Variants in LAPTM4B observed in about 807,000 individuals in gnomAD.
The protein encoded by LAPTM4B is lysosomal protein transmembrane 4 beta.
Under a neutral mutation model 28.5 loss-of-function variants are expected in LAPTM4B, and 26 were observed. The observed-to-expected ratio is 0.91, with a 90% confidence interval of 0.67 to 1.27. The LOEUF (loss-of-function observed/expected upper bound fraction) is 1.27, where lower values mean the gene tolerates loss of function less well. Among genes scored for constraint, LAPTM4B ranks in the 50% most tolerant of loss-of-function variants. LAPTM4B has a pLI of 0.00. For synonymous variants in LAPTM4B, 109 were observed against 106.4 expected (o/e 1.02, Z -0.15); for missense variants, 288 against 285.8 (o/e 1.01, Z -0.06).
intron 1 of LAPTM4B, among the ~76,000 whole-genome samples, chr8:97,793,404 A>G (rs1037446496): frequency 3.9e-5 from 6 of 152,184 alleles, no homozygotes. Flanking sequence ...ATTTTGTATA[A>G]ACACCCTATG....
chr8:97,786,406 C>A (rs372708133), intron 1 of LAPTM4B, among the ~76,000 whole-genome samples: 1 of 57,922 alleles, frequency 1.7e-5, no homozygotes. Flanking sequence ...TAACATTGAA[C>A]TTAAAAAAAA....
chr8:97,799,233 T>TA (rs1816636193), intron 1 of LAPTM4B, among the ~76,000 whole-genome samples: 2 of 152,230 alleles, frequency 1.3e-5, no homozygotes, highest in African/African-American at 4.8e-5. Context: ...TTAGCCAGAC[T>TA]ATTGTAGGTG....
At chr8:97,848,054 A>T (rs1817458689) in intron 6 of LAPTM4B, among the ~76,000 whole-genome samples, 1 of 152,224 alleles carries the variant, frequency 6.6e-6, no homozygotes, top group South Asian at 2.1e-4. Flanking sequence ...ACCTGAGGGC[A>T]GAAGTTCTGG....
chr8:97,845,270 G>A (rs1414788067), intron 6 of LAPTM4B, among the ~76,000 whole-genome samples: 2 of 151,388 alleles, frequency 1.3e-5, no homozygotes, highest in African/African-American at 2.4e-5. Context: ...GAGTTCTGTA[G>A]TGTACATTCC....
intron 6 of LAPTM4B, among the ~76,000 whole-genome samples, chr8:97,846,170 C>T (rs576641711): frequency 4.0e-5 from 6 of 151,200 alleles, no homozygotes; most frequent in Middle Eastern, 3.4e-3. Flanking sequence ...TATCTTTTAA[C>T]GTTTTGTGAT....
At chr8:97,828,060 G>A (rs1817120981) in intron 6 of LAPTM4B, among the ~76,000 whole-genome samples, 1 of 152,170 alleles carries the variant, frequency 6.6e-6, no homozygotes, top group Non-Finnish European at 1.5e-5. Flanking sequence ...GGATGTATAC[G>A]TGTGGGTCAC....
At chr8:97,800,484 CTTTTTTTTTTTTTTTTT>C (rs546425169) in intron 1 of LAPTM4B, among the ~76,000 whole-genome samples, 1 of 69,326 alleles carries the variant, frequency 1.4e-5, no homozygotes, top group Admixed American at 2.2e-4. Flanking sequence ...CCCTTGACCT[CTTTTTTTTTTTTTTTTT>C]TTTTTTTTTT....
chr8:97,798,364 TATA>T (rs983877566), intron 1 of LAPTM4B, among the ~76,000 whole-genome samples: 15 of 152,284 alleles, frequency 9.9e-5, no homozygotes, highest in African/African-American at 3.6e-4. Context: ...TGAGGTTTTA[TATA>T]ATAATAATAC....
chr8:97,810,122 A>G (rs940967710), intron 2 of LAPTM4B, among the ~76,000 whole-genome samples: 1 of 151,984 alleles, frequency 6.6e-6, no homozygotes, highest in Non-Finnish European at 1.5e-5. Context: ...GGGTTTTGTC[A>G]TGTTGCCCAG....
chr8:97,835,904 T>C (rs1156342002), intron 6 of LAPTM4B, among the ~76,000 whole-genome samples: 1 of 152,112 alleles, frequency 6.6e-6, no homozygotes, highest in Non-Finnish European at 1.5e-5. Flanking sequence ...CAAGCAAGCA[T>C]TACAACCTGA....
chr8:97,804,643 A>G (rs1816733794), intron 1 of LAPTM4B, among the ~76,000 whole-genome samples: 1 of 152,204 alleles, frequency 6.6e-6, no homozygotes, highest in Non-Finnish European at 1.5e-5. Flanking sequence ...TAGTGCCTGA[A>G]TGTTTTTCAT....
At chr8:97,829,015 G>C (rs1231459352) in intron 6 of LAPTM4B, among the ~76,000 whole-genome samples, 1 of 152,162 alleles carries the variant, frequency 6.6e-6, no homozygotes, top group Non-Finnish European at 1.5e-5. Context: ...GTAGGTGGAA[G>C]AGCTGCAGAG....
chr8:97,780,302 C>T (rs1816289175), intron 1 of LAPTM4B, among the ~76,000 whole-genome samples: 1 of 151,814 alleles, frequency 6.6e-6, no homozygotes, highest in African/African-American at 2.4e-5. Context: ...TGGCACGTGC[C>T]TGTAACCCCA....
intron 5 of LAPTM4B, among the ~76,000 whole-genome samples, chr8:97,823,344 G>GTTTTTTTTTTTTTTTTTT (rs10561869): frequency 2.7e-5 from 3 of 109,258 alleles, no homozygotes; most frequent in Non-Finnish European, 4.0e-5. Flanking sequence ...ATACAATATG[G>GTTTTTTTTTTTTTTTTTT]TTTTTTTTTT....
chr8:97,849,769 G>A (rs897035812), intron 6 of LAPTM4B, among the ~76,000 whole-genome samples: 1 of 152,142 alleles, frequency 6.6e-6, no homozygotes, highest in Non-Finnish European at 1.5e-5. Flanking sequence ...GCCAGTAGGG[G>A]GCACTGGAGG....
chr8:97,836,084 C>T (rs1236436649), intron 6 of LAPTM4B, among the ~76,000 whole-genome samples: 1 of 152,162 alleles, frequency 6.6e-6, no homozygotes, highest in African/African-American at 2.4e-5. Context: ...CCCCTCACCC[C>T]CTCATCAACC....
At chr8:97,847,052 A>C (rs149012005) in intron 6 of LAPTM4B, among the ~76,000 whole-genome samples, 152 of 152,340 alleles carry the variant, frequency 1.0e-3, no homozygotes, top group Admixed American at 2.0e-3. Flanking sequence ...ATGAATGATG[A>C]GTTTCTTTCC....
chr8:97,839,943 T>C (rs1817319333), intron 6 of LAPTM4B, among the ~76,000 whole-genome samples: 1 of 151,814 alleles, frequency 6.6e-6, no homozygotes, highest in Admixed American at 6.6e-5. Context: ...GAAATGGGAG[T>C]CTGAGATCCA....
chr8:97,786,258 AGTTGCTCCTAAC>A (rs1563600989), intron 1 of LAPTM4B, among the ~76,000 whole-genome samples: 1 of 152,202 alleles, frequency 6.6e-6, no homozygotes, highest in African/African-American at 2.4e-5. Flanking sequence ...ACACTTCTTC[AGTTGCTCCTAAC>A]GTTTTAAGAG....
Sources: allele counts gnomAD v4.1 joint callset (sites outside exome capture counted in the v4.1 genomes callset), GRCh38; gene constraint gnomAD v4.1.1; transcripts MANE v1.5; gene names NCBI Gene and HGNC (gene_info 2026-07-23, HGNC 2026-07-21).